The following SLC9A9 variants were observed in gnomAD, a reference collection of about 807,000 sequenced individuals.
SLC9A9 encodes sodium/hydrogen exchanger 9.
Under a neutral mutation model 77.8 loss-of-function variants are expected in SLC9A9, and 62 were observed. That is an observed-to-expected ratio of 0.80 (90% CI 0.65 to 0.98). The LOEUF is 0.98. Among genes scored for constraint, SLC9A9 ranks in the 50% least tolerant of loss-of-function variants. SLC9A9 has a pLI of 0.00. For synonymous variants in SLC9A9, 320 were observed against 283.5 expected, an observed-to-expected ratio of 1.13 and a Z score of -1.29; for missense variants, 775 against 774.9, an observed-to-expected ratio of 1.00 and a Z score of 0.00.
chr3:143,616,405 C>T (rs746026728), intron 6 of SLC9A9, among the ~76,000 whole-genome samples: 1 of 152,108 alleles, frequency 6.6e-6, no homozygotes, highest in Non-Finnish European at 1.5e-5. Context: ...ACCAAAAACA[C>T]CCCCAGAAAA....
At position 143,299,468 on chromosome 3, in the gene SLC9A9, G is replaced by A. The variant is rs371726947; in HGVS notation, c.1605-30488C>T. ...ACACATTTTTTTTTTTTTTGAGTTG[G>A]AGTCTTGCTCTGTCGCCCAGGTTGG... is the stretch of plus-strand genomic sequence containing the variant. On this transcript the variant is annotated intron_variant, in intron 14 of 15. Coordinates refer to ENST00000316549, the MANE Select transcript of SLC9A9 (RefSeq NM_173653.4). 1.3e-4 allele frequency among the ~76,000 whole-genome samples: 20 copies of A among 151,106 alleles called. No homozygotes were observed. In the South Asian group the frequency reaches 4.0e-3, roughly 30 times the overall value.
At chr3:143,396,885 T>G (rs2033742382) in intron 12 of SLC9A9, among the ~76,000 whole-genome samples, 1 of 152,190 alleles carries the variant, frequency 6.6e-6, no homozygotes. Flanking sequence ...ATAAAATGTG[T>G]GGCTGGTGTT....
chr3:143,630,489 CCTTTT>C (rs1158341268), intron 6 of SLC9A9, among the ~76,000 whole-genome samples: 1 of 152,116 alleles, frequency 6.6e-6, no homozygotes, highest in African/African-American at 2.4e-5. Flanking sequence ...GAGCATAAAG[CCTTTT>C]CTTTTATCAC....
Position 143,315,083 on chromosome 3 carries a change from T to C in SLC9A9, c.1605-46103A>G, listed in dbSNP as rs149609796. Among the ~76,000 whole-genome samples the C allele has an allele frequency of 5.8e-3, 890 of 152,316 alleles. 3 individuals are homozygous for C. The highest frequency in any genetic ancestry group is 0.02 in the African/African-American group (846 of 41,566). Reference sequence around the variant, plus strand: ...CCTAAGGTGTGATACTCAAGGAAATTACAGAATCCTTAATGGCATACAATT... The same window carrying C: ...CCTAAGGTGTGATACTCAAGGAAATCACAGAATCCTTAATGGCATACAATT... On this transcript the variant is annotated intron_variant, in intron 14 of 15. Transcript: ENST00000316549.
At chr3:143,808,117 T>A (rs2008772566) in intron 2 of SLC9A9, among the ~76,000 whole-genome samples, 6 of 152,180 alleles carry the variant, frequency 3.9e-5, no homozygotes, top group Admixed American at 3.3e-4. Flanking sequence ...ACTTCTAGGT[T>A]TTTTGCTTAG....
intron 9 of SLC9A9, among the ~76,000 whole-genome samples, chr3:143,524,648 T>C (rs756704943): frequency 4.6e-5 from 7 of 152,200 alleles, no homozygotes; most frequent in Non-Finnish European, 7.4e-5. Context: ...TTTAGTTAGA[T>C]TTCTTAAGAG....
intron 12 of SLC9A9, among the ~76,000 whole-genome samples, chr3:143,393,685 A>G (rs2033627405): frequency 6.6e-6 from 1 of 152,170 alleles, no homozygotes; most frequent in Admixed American, 6.5e-5. Flanking sequence ...AAAGATCAAC[A>G]AAATTGATAG....
In SLC9A9 at chr3:143,663,462, G is replaced by A. The variant is rs373536762; in HGVS notation, c.650-11102C>T. Reference sequence around the variant, plus strand: ...AACGGAACAAAGCTGGATGGAGAACGAATTCGACGAGTTGATAGAAGTAGG... The same window carrying A: ...AACGGAACAAAGCTGGATGGAGAACAAATTCGACGAGTTGATAGAAGTAGG... On this transcript the variant is annotated intron_variant, in intron 5 of 15. Transcript: ENST00000316549. Among the ~76,000 whole-genome samples, 180 of 152,320 alleles carry A rather than the reference G, an allele frequency of 1.2e-3. 1 individual carries two copies. Among genetic ancestry groups the A allele is most frequent in the African/African-American group, 3.9e-3 (162 of 41,584 alleles).
intron 8 of SLC9A9, among the ~76,000 whole-genome samples, chr3:143,562,930 T>C (rs534491459): frequency 6.6e-6 from 1 of 151,798 alleles, no homozygotes; most frequent in East Asian, 1.9e-4. Flanking sequence ...AATCAGGAGG[T>C]GGCCTACAAA....
intron 14 of SLC9A9, among the ~76,000 whole-genome samples, chr3:143,292,580 G>A (rs548511069): frequency 1.2e-4 from 19 of 152,176 alleles, no homozygotes; most frequent in Admixed American, 1.2e-3. Context: ...TGTAGCTGGA[G>A]GTTGTCCTAG....
At chr3:143,553,719 C>T (rs1559965246) in intron 8 of SLC9A9, among the ~76,000 whole-genome samples, 3 of 152,228 alleles carry the variant, frequency 2.0e-5, no homozygotes, top group East Asian at 3.9e-4. Flanking sequence ...TAACATTATG[C>T]TTCAAAATTT....
chr3:143,552,134 C>A (rs976203462), intron 9 of SLC9A9, among the ~76,000 whole-genome samples: 1 of 152,162 alleles, frequency 6.6e-6, no homozygotes, highest in Non-Finnish European at 1.5e-5. Flanking sequence ...CTAAGTTCAA[C>A]ATCTCTCAGG....
At chr3:143,664,931 C>G (rs2039039982) in intron 5 of SLC9A9, among the ~76,000 whole-genome samples, 1 of 152,194 alleles carries the variant, frequency 6.6e-6, no homozygotes, top group Non-Finnish European at 1.5e-5. Context: ...ATGAACAAGA[C>G]AGAAAGTTAA....
At chr3:143,782,121 A>T (rs1380449856) in intron 4 of SLC9A9, among the ~76,000 whole-genome samples, 1 of 152,230 alleles carries the variant, frequency 6.6e-6, no homozygotes, top group East Asian at 1.9e-4. Flanking sequence ...ATATGTGCAC[A>T]GACACAGCCA....
At chr3:143,307,323 A>G (rs1017320896) in intron 14 of SLC9A9, among the ~76,000 whole-genome samples, 10 of 152,248 alleles carry the variant, frequency 6.6e-5, no homozygotes, top group African/African-American at 2.4e-4. Flanking sequence ...TGAGAGCAGG[A>G]GGTATCTCTA....
At chr3:143,581,263 C>G (rs1266799560) in intron 6 of SLC9A9, among the ~76,000 whole-genome samples, 1 of 152,126 alleles carries the variant, frequency 6.6e-6, no homozygotes, top group African/African-American at 2.4e-5. Context: ...CAAGACATGG[C>G]TGCACCTATG....
At chr3:143,751,692 T>C (rs1307817382) in intron 4 of SLC9A9, among the ~76,000 whole-genome samples, 1 of 152,202 alleles carries the variant, frequency 6.6e-6, no homozygotes, top group Non-Finnish European at 1.5e-5. Flanking sequence ...GCTTCAGGGT[T>C]GGCTTCCAAG....
At chr3:143,266,994 AAT>A in intron 15 of SLC9A9, 65 bp from the exon 16 acceptor site, 2 of 1,477,500 alleles carry the variant, frequency 1.4e-6, no homozygotes, top group Non-Finnish European at 1.9e-6. Flanking sequence ...GCAGTCCTAC[AAT>A]TTTTTTTTTT....
intron 6 of SLC9A9, among the ~76,000 whole-genome samples, chr3:143,644,547 A>G (rs1370510658): frequency 2.0e-5 from 3 of 152,170 alleles, no homozygotes; most frequent in Non-Finnish European, 4.4e-5. Context: ...TGAGAGAAAA[A>G]CAAACAAGAC....
Sources: gnomAD v4.1 joint callset for allele counts (sites outside exome capture counted in the v4.1 genomes callset) on GRCh38, gnomAD v4.1.1 for gene constraint, MANE v1.5 for transcripts, NCBI Gene and HGNC (gene_info 2026-07-23, HGNC 2026-07-21) for gene names.